The following ABCG1 variants were observed in gnomAD, a reference collection of about 807,000 sequenced individuals.
The protein encoded by ABCG1 is ATP binding cassette subfamily G member 1.
In ABCG1, 29 loss-of-function variants were observed where a neutral mutation model predicts 69.2. That is an observed-to-expected ratio of 0.42 (90% CI 0.31 to 0.57). The LOEUF (loss-of-function observed/expected upper bound fraction) is 0.57. Ranked by LOEUF, ABCG1 falls within the 20% of genes least tolerant of loss-of-function variation. ABCG1 has a pLI of 0.15. For synonymous variants in ABCG1, 370 were observed against 374.8 expected, an observed-to-expected ratio of 0.99 and a Z score of 0.15; for missense variants, 718 against 898.1, an observed-to-expected ratio of 0.80 and a Z score of 2.56.
At chr21:42,256,204 C>T (rs2068300945) in intron 2 of ABCG1, 8 of 1,444,654 alleles carry the variant, frequency 5.5e-6, no homozygotes, top group Non-Finnish European at 7.3e-6. Flanking sequence ...CAGATTAAAC[C>T]TCATAAGTGG....
intron 2 of ABCG1, among the ~76,000 whole-genome samples, chr21:42,241,477 C>T (rs561337317): frequency 2.6e-5 from 4 of 152,030 alleles, no homozygotes; most frequent in African/African-American, 7.2e-5. Flanking sequence ...TGATGGTACA[C>T]GCCTGTAGTC....
intron 8 of ABCG1, 118 bp downstream of exon 8, chr21:42,286,112 T>C (rs2068935870): frequency 1.4e-6 from 1 of 718,726 alleles, no homozygotes; most frequent in Admixed American, 2.3e-5. Flanking sequence ...ATAGCTCAAG[T>C]GTCATCCAGT....
At chr21:42,292,414 C>A (rs1255934462) in intron 13 of ABCG1, among the ~76,000 whole-genome samples, 1 of 152,056 alleles carries the variant, frequency 6.6e-6, no homozygotes, top group African/African-American at 2.4e-5. Context: ...GGTGCCAGGC[C>A]CATGCCAGGT....
At chr21:42,283,874 G>T (rs1195291446) in intron 6 of ABCG1, among the ~76,000 whole-genome samples, 2 of 18,244 alleles carry the variant, frequency 1.1e-4, no homozygotes, top group African/African-American at 2.9e-4. Context: ...CCCCACCTCT[G>T]TCCCGCCTGG....
intron 2 of ABCG1, among the ~76,000 whole-genome samples, chr21:42,231,791 T>C (rs1369345218): frequency 1.3e-5 from 2 of 152,180 alleles, no homozygotes; most frequent in East Asian, 3.8e-4. Flanking sequence ...CTAGCATAAG[T>C]GAGTTACTTT....
chr21:42,277,584 C>T (rs910932612), intron 5 of ABCG1, among the ~76,000 whole-genome samples: 1 of 152,166 alleles, frequency 6.6e-6, no homozygotes, highest in African/African-American at 2.4e-5. Flanking sequence ...ACTCACACAC[C>T]CTCCACGGGA....
At chr21:42,237,374 G>T (rs1407515517) in intron 2 of ABCG1, among the ~76,000 whole-genome samples, 1 of 152,150 alleles carries the variant, frequency 6.6e-6, no homozygotes, top group African/African-American at 2.4e-5. Flanking sequence ...CTTTCTTTGG[G>T]CCACTCTCTC....
At chr21:42,237,155 C>T (rs910852473) in intron 2 of ABCG1, among the ~76,000 whole-genome samples, 4 of 152,226 alleles carry the variant, frequency 2.6e-5, no homozygotes, top group African/African-American at 9.6e-5. Context: ...ATCATTTTGT[C>T]ACCTTCTCTC....
chr21:42,276,256 A>G lies in ABCG1; in HGVS notation c.538-639A>G, dbSNP rs572398761. ...CAAACGGGATCTCAAAAAACACAAC[A>G]ACAACAAAACGCGGCATCCTGACGT... On this transcript the variant is annotated intron_variant, in intron 4 of 14. Coordinates refer to ENST00000398449, the MANE Select transcript of ABCG1 (RefSeq NM_016818.3). This position sits in a 1 kb window ranked among gnomAD's most constrained non-coding sequence, Gnocchi z 5.3. The G allele has an allele frequency of 1.3e-5, 2 of 152,392 alleles. No individual in the cohort carries two copies. Among genetic ancestry groups the G allele is most frequent in the African/African-American group, 2.4e-5 (1 of 41,530 alleles). 9.4% of individuals were successfully genotyped at this position (152,392 alleles called of 1,614,324 possible).
At chr21:42,286,848 G>A (rs550065680) in intron 8 of ABCG1, among the ~76,000 whole-genome samples, 5 of 152,226 alleles carry the variant, frequency 3.3e-5, no homozygotes, top group Admixed American at 6.5e-5. Flanking sequence ...ACCAGAGAGC[G>A]GGAGGTGAGG....
At chr21:42,280,017 G>T (rs2068778588) in intron 5 of ABCG1, among the ~76,000 whole-genome samples, 1 of 152,244 alleles carries the variant, frequency 6.6e-6, no homozygotes. Flanking sequence ...TCCCTGAGGG[G>T]TGAGCCCCTG....
chr21:42,218,433 A>G (rs1029467032), upstream of ABCG1, among the ~76,000 whole-genome samples: 3 of 152,138 alleles, frequency 2.0e-5, no homozygotes, highest in Non-Finnish European at 4.4e-5. Context: ...TTCCATGAAC[A>G]TGGCTCTGGA....
intron 3 of ABCG1, among the ~76,000 whole-genome samples, chr21:42,271,737 T>C (rs2068622029): frequency 1.3e-5 from 2 of 152,086 alleles, no homozygotes; most frequent in South Asian, 2.1e-4. Flanking sequence ...CAGAAAAAAT[T>C]AGCTGGGCGT....
At chr21:42,217,843 C>T (rs2067659320), upstream of ABCG1, among the ~76,000 whole-genome samples, 1 of 151,894 alleles carries the variant, frequency 6.6e-6, no homozygotes, top group Admixed American at 6.6e-5. Context: ...AGGTGCCCGC[C>T]ACCACACCTA....
intron 2 of ABCG1, among the ~76,000 whole-genome samples, chr21:42,247,926 C>G (rs2123631574): frequency 1.3e-5 from 2 of 152,264 alleles, no homozygotes; most frequent in East Asian, 3.9e-4. Context: ...GGACCCTCCC[C>G]TGGAGCCTCC....
intron 8 of ABCG1, among the ~76,000 whole-genome samples, chr21:42,286,324 G>A (rs549134198): frequency 7.2e-5 from 11 of 152,162 alleles, no homozygotes; most frequent in Admixed American, 1.3e-4. Context: ...CTGCAAAGAT[G>A]CTTTTTCAAA....
chr21:42,244,272 G>A (rs978769805), intron 2 of ABCG1, among the ~76,000 whole-genome samples: 2 of 152,164 alleles, frequency 1.3e-5, no homozygotes, highest in African/African-American at 4.8e-5. Context: ...AGGGATTCAG[G>A]AGGGCATCCA....
chr21:42,229,219 C>T (rs567062423), intron 2 of ABCG1, among the ~76,000 whole-genome samples: 9 of 152,344 alleles, frequency 5.9e-5, no homozygotes, highest in African/African-American at 1.7e-4. Context: ...CATCTCTGTG[C>T]GACTCCAAGT....
At chr21:42,232,997 C>T (rs904127229) in intron 2 of ABCG1, among the ~76,000 whole-genome samples, 30 of 152,196 alleles carry the variant, frequency 2.0e-4, no homozygotes, top group Non-Finnish European at 1.5e-5. Flanking sequence ...ATTCATCAAA[C>T]TCAGTTGATG....
Sources: allele counts gnomAD v4.1 joint callset (sites outside exome capture counted in the v4.1 genomes callset), GRCh38; gene constraint gnomAD v4.1.1; non-coding constraint Gnocchi (gnomAD v3.1); transcripts MANE v1.5; gene names NCBI Gene and HGNC (gene_info 2026-07-23, HGNC 2026-07-21).